Variants in ZNF608 observed in about 807,000 individuals in gnomAD.
ZNF608 encodes renal carcinoma antigen NY-REN-36.
A neutral mutation model predicts 109.0 loss-of-function variants in ZNF608; 12 were observed. That is an observed-to-expected ratio of 0.11 (90% confidence interval 0.07 to 0.18). The LOEUF (loss-of-function observed/expected upper bound fraction) is 0.18. ZNF608 is among the 10% of genes least tolerant of loss of function. ZNF608 has a pLI of 1.00. For synonymous variants in ZNF608, 732 were observed against 717.4 expected, an observed-to-expected ratio of 1.02 and a Z score of -0.33; for missense variants, 1,707 against 1,879.3, an observed-to-expected ratio of 0.91 and a Z score of 1.70.
chr5:124,714,177 A>T (rs930415993), intron 2 of ZNF608, among the ~76,000 whole-genome samples: 10 of 152,208 alleles, frequency 6.6e-5, no homozygotes, highest in African/African-American at 2.4e-4. Flanking sequence ...TCTATTCCCA[A>T]AAGAAGAAAC....
At chr5:124,707,172 A>G (rs968282719) in intron 2 of ZNF608, among the ~76,000 whole-genome samples, 1 of 152,182 alleles carries the variant, frequency 6.6e-6, no homozygotes, top group Non-Finnish European at 1.5e-5. Flanking sequence ...TGATGCTTTC[A>G]GTACCAGGAA....
intron 2 of ZNF608, among the ~76,000 whole-genome samples, chr5:124,715,408 G>A (rs35440916): frequency 1.9e-3 from 282 of 152,226 alleles, no homozygotes; most frequent in Non-Finnish European, 3.2e-3. Flanking sequence ...AGCACCCCAC[G>A]GGTGACAGAG....
At position 124,664,321 on chromosome 5, in the gene ZNF608, C is replaced by G. The variant is rs969504037; in HGVS notation, c.1163-14624G>C. Among the ~76,000 whole-genome samples, 7 of 152,108 alleles carry G rather than the reference C, an allele frequency of 4.6e-5. No homozygotes were observed. In the East Asian group the frequency reaches 1.3e-3, roughly 29 times the overall value. On this transcript the variant is annotated intron_variant, in intron 3 of 9. Coordinates refer to ENST00000513986, the MANE Select transcript of ZNF608 (RefSeq NM_020747.3). ...ATCACTAAAAATGTAAGCCTATGGA[C>G]AAACTGAACTCAGGATTTGCTCACT... is the stretch of plus-strand genomic sequence containing the variant.
intron 3 of ZNF608, among the ~76,000 whole-genome samples, chr5:124,665,799 G>C (rs929516378): frequency 6.6e-6 from 1 of 152,184 alleles, no homozygotes; most frequent in Non-Finnish European, 1.5e-5. Flanking sequence ...GATCCAGACT[G>C]TTGGCCTCTC....
intron 3 of ZNF608, among the ~76,000 whole-genome samples, chr5:124,668,874 C>T (rs1751594774): frequency 6.6e-6 from 1 of 152,140 alleles, no homozygotes; most frequent in Admixed American, 6.5e-5. Flanking sequence ...AACCAAAGTC[C>T]TTCAGTTGGT....
chr5:124,660,881 T>C (rs958835664), intron 3 of ZNF608, among the ~76,000 whole-genome samples: 1 of 152,154 alleles, frequency 6.6e-6, no homozygotes, highest in Non-Finnish European at 1.5e-5. Flanking sequence ...CACTCAGAAA[T>C]GCAGCTGGCA....
chr5:124,663,652 T>G (rs944747849), intron 3 of ZNF608, among the ~76,000 whole-genome samples: 2 of 152,232 alleles, frequency 1.3e-5, no homozygotes, highest in Admixed American at 1.3e-4. Flanking sequence ...ATACTTTATT[T>G]AGTACATCTC....
At chr5:124,638,033 C>T in intron 9 of ZNF608, 127 bp from the exon 10 acceptor site, 1 of 924,684 alleles carries the variant, frequency 1.1e-6, no homozygotes, top group South Asian at 1.4e-5. Context: ...TCACCGCAAC[C>T]TCTGCCTCCT....
chr5:124,748,648 G>T, upstream of ZNF608: 2 of 846,356 alleles, frequency 2.4e-6, no homozygotes, highest in Non-Finnish European at 2.8e-6. Context: ...TAAAGAAGAT[G>T]GACCATCAAA....
intron 2 of ZNF608, among the ~76,000 whole-genome samples, chr5:124,707,223 A>T (rs948089455): frequency 6.6e-6 from 1 of 152,178 alleles, no homozygotes; most frequent in African/African-American, 2.4e-5. Flanking sequence ...GTAGGGCTGG[A>T]GAGTGCTCCC....
chr5:124,726,871 G>A (rs561503268), intron 2 of ZNF608, among the ~76,000 whole-genome samples: 8 of 152,216 alleles, frequency 5.3e-5, no homozygotes, highest in African/African-American at 1.4e-4. Flanking sequence ...ATGTGCAGTC[G>A]GTCAAGAAAC....
At chr5:124,660,012 C>G (rs907207174) in intron 3 of ZNF608, among the ~76,000 whole-genome samples, 7 of 152,244 alleles carry the variant, frequency 4.6e-5, no homozygotes, top group South Asian at 2.1e-4. Flanking sequence ...TGGCCACCAG[C>G]TGTGTCCTCT....
chr5:124,660,917 G>A (rs1317240396), intron 3 of ZNF608, among the ~76,000 whole-genome samples: 1 of 150,962 alleles, frequency 6.6e-6, no homozygotes, highest in Non-Finnish European at 1.5e-5. Context: ...TTCCTCCCAG[G>A]TGAAGCAAAC....
chr5:124,639,082 C>A, intron 9 of ZNF608, 51 bp downstream of exon 9: 1 of 1,560,342 alleles, frequency 6.4e-7, no homozygotes, highest in Non-Finnish European at 8.8e-7. Flanking sequence ...TTCCTCCCAA[C>A]CATTAAGATA....
At chr5:124,703,813 C>T (rs1753151914) in intron 2 of ZNF608, among the ~76,000 whole-genome samples, 1 of 152,046 alleles carries the variant, frequency 6.6e-6, no homozygotes, top group Admixed American at 6.6e-5. Context: ...TTTCAGCCGC[C>T]TAATATTGAT....
intron 3 of ZNF608, among the ~76,000 whole-genome samples, chr5:124,694,168 G>GT (rs1752746226): frequency 2.2e-5 from 1 of 44,800 alleles, no homozygotes; most frequent in Non-Finnish European, 4.4e-5. Flanking sequence ...TTTTTTTTTT[G>GT]TATTTTTAGT....
At chr5:124,714,971 A>T (rs1345817680) in intron 2 of ZNF608, among the ~76,000 whole-genome samples, 1 of 152,236 alleles carries the variant, frequency 6.6e-6, no homozygotes, top group Non-Finnish European at 1.5e-5. Context: ...CTAAAAGCTG[A>T]CATCCTAGGA....
chr5:124,688,378 G>A (rs1458922374), intron 3 of ZNF608, among the ~76,000 whole-genome samples: 1 of 152,142 alleles, frequency 6.6e-6, no homozygotes, highest in African/African-American at 2.4e-5. Flanking sequence ...ACTATAAGGA[G>A]AAAGTCTCAT....
At chr5:124,698,648 C>T (rs1267373879) in intron 3 of ZNF608, among the ~76,000 whole-genome samples, 1 of 152,246 alleles carries the variant, frequency 6.6e-6, no homozygotes, top group Non-Finnish European at 1.5e-5. Context: ...CAGAGTGGAA[C>T]TGGTGAGGCT....
Sources: gnomAD v4.1 joint callset for allele counts (sites outside exome capture counted in the v4.1 genomes callset) on GRCh38, gnomAD v4.1.1 for gene constraint, MANE v1.5 for transcripts, NCBI Gene and HGNC (gene_info 2026-07-23, HGNC 2026-07-21) for gene names.